CLCN1: variants seen among roughly 807,000 people sequenced by gnomAD.
CLCN1 encodes the protein chloride channel protein 1.
A neutral mutation model predicts 114.5 loss-of-function variants in CLCN1; 100 were observed. The observed-to-expected ratio is 0.87, with a 90% confidence interval of 0.74 to 1.03. The LOEUF is 1.03. Ranked by LOEUF, CLCN1 falls within the 50% of genes least tolerant of loss-of-function variation. The probability of loss-of-function intolerance (pLI) is 0.00; values close to 1 mark genes in which losing one functional copy is unlikely to be tolerated. For synonymous variants in CLCN1, 485 were observed against 487.1 expected, an observed-to-expected ratio of 1.00 and a Z score of 0.06; for missense variants, 1,188 against 1,250.0, an observed-to-expected ratio of 0.95 and a Z score of 0.75.
chr7:143,320,222 G>A lies in CLCN1; in HGVS notation c.301+347G>A, dbSNP rs149716256. ...ACTCCTGGCATCAAGCAATCCTCCC[G>A]CCTTAGCCTCCCAAATTCCTGGGAT... On this transcript the variant is annotated intron_variant, in intron 2 of 22. Transcript: ENST00000343257. 1.7e-3 allele frequency among the ~76,000 whole-genome samples: 261 copies of A among 152,260 alleles called. 1 individual carries two copies. The highest frequency in any genetic ancestry group is 5.9e-3 in the African/African-American group (245 of 41,556).
In CLCN1 at chr7:143,323,211, G is replaced by A. The variant is rs113674439; in HGVS notation, c.697-98G>A. ...TGTAACTCCCGTATTTCCAGCCCCT[G>A]GCACAGTGCCTGGAGTAAGGAATAT... is the stretch of plus-strand genomic sequence containing the variant. On this transcript the variant is annotated intron_variant, in intron 5 of 22. Transcript: ENST00000343257. 314 of 776,386 alleles carry A rather than the reference G, an allele frequency of 4.0e-4. No individual in the cohort carries two copies. In the African/African-American group the frequency reaches 4.5e-3, roughly 11 times the overall value. 48.1% of individuals were successfully genotyped at this position (776,386 alleles called of 1,614,324 possible). A position where few individuals can be genotyped will look rare whatever the true frequency, so the allele number is the denominator to read the frequency against.
chr7:143,347,267 G>T (rs1803272060), intron 20 of CLCN1, among the ~76,000 whole-genome samples: 1 of 152,128 alleles, frequency 6.6e-6, no homozygotes, highest in South Asian at 2.1e-4. Context: ...AGCTTTAATG[G>T]AGGTAAAATG....
At chr7:143,342,914 C>T (rs953780484) in intron 16 of CLCN1, among the ~76,000 whole-genome samples, 1 of 150,684 alleles carries the variant, frequency 6.6e-6, no homozygotes, top group South Asian at 2.1e-4. Context: ...GCCTGGGCAA[C>T]AAGAATGAAA....
intron 16 of CLCN1, among the ~76,000 whole-genome samples, 172 bp downstream of exon 16, chr7:143,342,677 C>A (rs1379507236): frequency 6.6e-6 from 1 of 152,038 alleles, no homozygotes; most frequent in Non-Finnish European, 1.5e-5. Flanking sequence ...GTTAAAAATG[C>A]AATTAAAAGG....
intron 5 of CLCN1, among the ~76,000 whole-genome samples, chr7:143,322,510 C>G (rs1395557665): frequency 6.6e-6 from 1 of 152,168 alleles, no homozygotes; most frequent in Non-Finnish European, 1.5e-5. Context: ...CCTCTTAAAA[C>G]AAAATTGAAA....
chr7:143,330,708 T>C, intron 7 of CLCN1, 64 bp from the exon 8 acceptor site: 1 of 1,610,264 alleles, frequency 6.2e-7, no homozygotes, highest in South Asian at 1.1e-5. Context: ...GTCCAAGCAG[T>C]GGGGAGTGTG....
At chr7:143,335,760 C>T (rs1003686132) in intron 12 of CLCN1, among the ~76,000 whole-genome samples, 5 of 149,372 alleles carry the variant, frequency 3.3e-5, no homozygotes, top group African/African-American at 7.4e-5. Context: ...CCCAGGTTCA[C>T]GCCATTCTCC....
chr7:143,324,720 A>G lies in CLCN1; in HGVS notation c.853+228A>G, dbSNP rs1802534338. Among the ~76,000 whole-genome samples, 1 of 152,236 alleles carries G rather than the reference A, an allele frequency of 6.6e-6. No individual in the cohort carries two copies. The highest frequency in any genetic ancestry group is 2.4e-5 in the African/African-American group (1 of 41,470). On this transcript the variant is annotated intron_variant, in intron 7 of 22. Coordinates refer to ENST00000343257, the MANE Select transcript of CLCN1 (RefSeq NM_000083.3). This position sits in a 1 kb window ranked among gnomAD's most constrained non-coding sequence, Gnocchi z 4.6. ...AGGAGGAAGAGGAGAGAACTGAGTT[A>G]CAGAGAGGGACAGTGACTTGAGCAA...
chr7:143,318,300 G>T (rs555921753), intron 1 of CLCN1, among the ~76,000 whole-genome samples: 3 of 152,146 alleles, frequency 2.0e-5, no homozygotes, highest in South Asian at 2.1e-4. Flanking sequence ...TCAGCTCACC[G>T]CAATCTCCGC....
chr7:143,319,678 A>T, intron 1 of CLCN1, 77 bp from the exon 2 acceptor site: 1 of 1,473,558 alleles, frequency 6.8e-7, no homozygotes, highest in Non-Finnish European at 9.5e-7. Context: ...TTCTTCTGTG[A>T]GTCTGTCTGC....
At position 143,321,986 on chromosome 7, in the gene CLCN1, G is replaced by T; in HGVS notation, c.696+138G>T. 1 of 993,534 alleles carries T rather than the reference G, an allele frequency of 1.0e-6. No individual in the cohort carries two copies. The highest frequency in any genetic ancestry group is 2.7e-5 in the Admixed American group (1 of 37,674). 61.5% of individuals were successfully genotyped at this position (993,534 alleles called of 1,614,324 possible). ...CCAGGGCCAGGGGACACTAGGAAGG[G>T]GAAATGCTTTGGAAGTTCCTCCAAC... On this transcript the variant is annotated intron_variant, in intron 5 of 22. Coordinates refer to ENST00000343257, the MANE Select transcript of CLCN1 (RefSeq NM_000083.3). The surrounding 1 kb of genome is among the most constrained non-coding windows in gnomAD (Gnocchi z 4.2).
rs751608376 is a variant in CLCN1, at chr7:143,351,973, C to T, written c.*8C>T. On this transcript the variant is annotated 3_prime_UTR_variant, in exon 23 of 23. Transcript: ENST00000343257. The stretch of plus-strand genomic sequence containing the variant: ...GATGAACTGATCCTTTGACCCCCTC[C>T]CACGACCTCCTCATAAAGACCGTGG... The T allele has an allele frequency of 6.2e-7, 1 of 1,612,364 alleles. No individual in the cohort carries two copies. Among genetic ancestry groups the T allele is most frequent in the South Asian group, 1.1e-5 (1 of 90,990 alleles).
intron 8 of CLCN1, 106 bp from the exon 9 acceptor site, chr7:143,331,126 T>C (rs1802712193): frequency 9.5e-7 from 1 of 1,053,816 alleles, no homozygotes; most frequent in African/African-American, 1.6e-5. Flanking sequence ...GAGGAGAAAC[T>C]GGGATTGGAG....
At chr7:143,334,379 T>C (rs2116857452) in intron 12 of CLCN1, among the ~76,000 whole-genome samples, 1 of 152,322 alleles carries the variant, frequency 6.6e-6, no homozygotes, top group African/African-American at 2.4e-5. Flanking sequence ...TACCTTGCTA[T>C]TAACTTATTT....
At chr7:143,331,132 T>G in intron 8 of CLCN1, 100 bp from the exon 9 acceptor site, 1 of 1,068,962 alleles carries the variant, frequency 9.4e-7, no homozygotes, top group Non-Finnish European at 1.5e-6. Context: ...AAACTGGGAT[T>G]GGAGGAAGGA....
chr7:143,323,084 C>A (rs2116840609), intron 5 of CLCN1, among the ~76,000 whole-genome samples: 1 of 152,260 alleles, frequency 6.6e-6, no homozygotes, highest in East Asian at 1.9e-4. Context: ...TAAACACGTG[C>A]CCTCCCACCC....
chr7:143,319,825 C>T lies in CLCN1; in HGVS notation c.251C>T (p.Ser84Phe). ...ATAGGGATGCCCAAGAAGACAGGCT[C>T]CAGTTCTACCGTGGACAGCAAGGAT... is the stretch of plus-strand genomic sequence containing the variant. ...QDIGMPKKTG[S>F]SSTVDSKDED... Residue 84 changes from serine (S) to phenylalanine (F), a missense_variant, in exon 2 of 23, where the codon TCC becomes TTC. Physicochemically the swap from Ser to Phe is radical, Grantham distance 155 (BLOSUM62 -2). Transcript: ENST00000343257. The T allele has an allele frequency of 6.2e-7, 1 of 1,613,738 alleles. No homozygotes were observed. Among genetic ancestry groups the T allele is most frequent in the African/African-American group, 1.3e-5 (1 of 74,986 alleles).
At chr7:143,317,742 A>G (rs1194545460) in intron 1 of CLCN1, among the ~76,000 whole-genome samples, 1 of 152,150 alleles carries the variant, frequency 6.6e-6, no homozygotes, top group Non-Finnish European at 1.5e-5. Flanking sequence ...CTAGGGACCC[A>G]GTAGGGAAGA....
chr7:143,324,146 A>T lies in CLCN1; in HGVS notation c.775-268A>T, dbSNP rs73726616. Among the ~76,000 whole-genome samples the T allele has an allele frequency of 0.012, 1,847 of 152,094 alleles. 32 individuals carry two copies. The highest frequency in any genetic ancestry group is 0.042 in the African/African-American group (1,741 of 41,468). ...TCTCTTTTCTGCTTATCATTTATTG[A>T]TTTACGTGCCTGGCATATATTTGCC... On this transcript the variant is annotated intron_variant, in intron 6 of 22. Coordinates refer to ENST00000343257, the MANE Select transcript of CLCN1 (RefSeq NM_000083.3). The surrounding 1 kb of genome is among the most constrained non-coding windows in gnomAD (Gnocchi z 4.6).
Sources: allele counts gnomAD v4.1 joint callset (sites outside exome capture counted in the v4.1 genomes callset), GRCh38; gene constraint gnomAD v4.1.1; non-coding constraint Gnocchi (gnomAD v3.1); transcripts MANE v1.5; gene names NCBI Gene and HGNC (gene_info 2026-07-23, HGNC 2026-07-21).